Variants in CACNA2D3 observed in about 807,000 individuals in gnomAD.
CACNA2D3 encodes the protein voltage-dependent calcium channel subunit alpha-2/delta-3.
In CACNA2D3, 60 loss-of-function variants were observed where a neutral mutation model predicts 160.6. That is an observed-to-expected ratio of 0.37 (90% confidence interval 0.30 to 0.46). CACNA2D3 has a LOEUF of 0.46. Ranked by LOEUF, CACNA2D3 falls within the 20% of genes least tolerant of loss-of-function variation. CACNA2D3 has a pLI of 1.00. For missense variants in CACNA2D3, 1,205 were observed against 1,365.0 expected, an observed-to-expected ratio of 0.88 and a Z score of 1.85; for synonymous variants, 558 against 492.9, an observed-to-expected ratio of 1.13 and a Z score of -1.75.
intron 11 of CACNA2D3, among the ~76,000 whole-genome samples, chr3:54,676,687 A>G (rs1575417979): frequency 6.6e-6 from 1 of 151,970 alleles, no homozygotes; most frequent in Non-Finnish European, 1.5e-5. Context: ...CCTAAGGAGC[A>G]CTCCTGAAGT....
At chr3:54,430,516 A>G (rs1049092404) in intron 4 of CACNA2D3, among the ~76,000 whole-genome samples, 3 of 152,202 alleles carry the variant, frequency 2.0e-5, no homozygotes, top group Non-Finnish European at 2.9e-5. Flanking sequence ...CCAGTTTTAT[A>G]TCTTTGATTA....
intron 9 of CACNA2D3, among the ~76,000 whole-genome samples, chr3:54,624,449 C>T (rs1183124797): frequency 3.3e-5 from 5 of 151,998 alleles, no homozygotes; most frequent in East Asian, 1.9e-4. Context: ...GGTGAAACCC[C>T]GTCTCTATTA....
Position 54,846,485 on chromosome 3 carries a change from C to T in CACNA2D3, c.1626+18C>T. 1.3e-6 allele frequency: 2 copies of T among 1,490,456 alleles called. No individual in the cohort carries two copies. Among genetic ancestry groups the T allele is most frequent in the Non-Finnish European group, 1.9e-6 (2 of 1,080,056 alleles). The allele number at this position is 1,490,456 out of a possible 1,614,324, so 92.3% of individuals were successfully genotyped here. ...GGCTGCTGGTAAGAGAAATTATGTA[C>T]TTCTGCATTTCTGCTTTTATGATTT... is the stretch of plus-strand genomic sequence containing the variant. On this transcript the variant is annotated intron_variant, in intron 17 of 37. Transcript: ENST00000474759.
chr3:54,851,552 G>C (rs1373918199), intron 17 of CACNA2D3, among the ~76,000 whole-genome samples: 1 of 152,196 alleles, frequency 6.6e-6, no homozygotes, highest in Non-Finnish European at 1.5e-5. Context: ...AGAGTGGTTG[G>C]AGGGTGGGAG....
In CACNA2D3 at chr3:54,576,143, TC is replaced by T. The variant is rs1702578334; in HGVS notation, c.889-5659del. Among the ~76,000 whole-genome samples, 5 of 152,278 alleles carry T rather than the reference TC, an allele frequency of 3.3e-5. No homozygotes were observed. The South Asian group carries it at 1.0e-3, about 32-fold the overall frequency. On this transcript the variant is annotated intron_variant, in intron 8 of 37. Coordinates refer to ENST00000474759, the MANE Select transcript of CACNA2D3 (RefSeq NM_018398.3). ...GGTCCCTGCTTAGAGAGGTCTTTCC[TC>T]ATCCTCTTCTCTAGGTGACTGATAA...
chr3:55,034,015 A>G (rs2107181362), intron 35 of CACNA2D3, among the ~76,000 whole-genome samples: 1 of 150,494 alleles, frequency 6.6e-6, no homozygotes, highest in South Asian at 2.1e-4. Context: ...TACTTAACTC[A>G]AAGCAGAAAG....
In CACNA2D3 at chr3:54,626,314, C is replaced by T; in HGVS notation, c.964-1473C>T. 4 of 1,550,626 alleles carry T rather than the reference C, an allele frequency of 2.6e-6. No individual in the cohort carries two copies. The South Asian group carries it at 4.7e-5, about 18-fold the overall frequency. ...GGACATGTCCTACAAGCGGCTGATG[C>T]CGCTGTACAGTGCGCGCCAGCAGCG... On this transcript the variant is annotated intron_variant, in intron 9 of 37. Coordinates refer to ENST00000474759, the MANE Select transcript of CACNA2D3 (RefSeq NM_018398.3).
chr3:54,567,521 TTTG>T (rs983206448), intron 6 of CACNA2D3, among the ~76,000 whole-genome samples: 29 of 136,024 alleles, frequency 2.1e-4, no homozygotes, highest in African/African-American at 6.1e-4. Context: ...TTGTTTGTTG[TTTG>T]TTGTTGTTGT....
At chr3:54,459,107 AT>A (rs1700452499) in intron 4 of CACNA2D3, among the ~76,000 whole-genome samples, 1 of 151,940 alleles carries the variant, frequency 6.6e-6, no homozygotes, top group Non-Finnish European at 1.5e-5. Flanking sequence ...TGAACACATC[AT>A]TTTTATGGCT....
At chr3:54,829,361 A>C (rs1338810269) in intron 14 of CACNA2D3, among the ~76,000 whole-genome samples, 1 of 152,116 alleles carries the variant, frequency 6.6e-6, no homozygotes, top group Non-Finnish European at 1.5e-5. Flanking sequence ...TGTTGTGATG[A>C]TGGAAGTGGG....
At chr3:54,690,910 T>C (rs916194474) in intron 11 of CACNA2D3, among the ~76,000 whole-genome samples, 4 of 152,170 alleles carry the variant, frequency 2.6e-5, no homozygotes, top group African/African-American at 9.7e-5. Flanking sequence ...AAAGCCCCAC[T>C]CAATCGAGGG....
At chr3:54,129,849 A>G (rs1038405559) in intron 2 of CACNA2D3, among the ~76,000 whole-genome samples, 1 of 152,186 alleles carries the variant, frequency 6.6e-6, no homozygotes, top group African/African-American at 2.4e-5. Flanking sequence ...TGCCTGTGCC[A>G]ATAAAAATGG....
chr3:54,418,570 T>G (rs1318069013), intron 4 of CACNA2D3, among the ~76,000 whole-genome samples: 2 of 152,256 alleles, frequency 1.3e-5, no homozygotes, highest in Non-Finnish European at 2.9e-5. Context: ...CCTCTGCTGT[T>G]TGCTGATTAA....
intron 5 of CACNA2D3, among the ~76,000 whole-genome samples, chr3:54,559,547 C>T (rs1372094886): frequency 6.6e-6 from 1 of 152,150 alleles, no homozygotes; most frequent in Admixed American, 6.5e-5. Context: ...CCCACCTCGG[C>T]CTCCCAAAGT....
In CACNA2D3 at chr3:54,475,230, C is replaced by G. The variant is rs1700808473; in HGVS notation, c.382-28262C>G. On this transcript the variant is annotated intron_variant, in intron 4 of 37. Transcript: ENST00000474759. Reference sequence around the variant, plus strand: ...GAATTCTCTACCACCATAGCTGTCCCTTTTGTGAGTTGCAAAGGAAAGAAT... The same window carrying G: ...GAATTCTCTACCACCATAGCTGTCCGTTTTGTGAGTTGCAAAGGAAAGAAT... Among the ~76,000 whole-genome samples, 2 of 152,154 alleles carry G rather than the reference C, an allele frequency of 1.3e-5. 1 individual carries two copies. The highest frequency in any genetic ancestry group is 1.3e-4 in the Admixed American group (2 of 15,266).
chr3:54,821,718 T>TTCCTTC (rs10640637), intron 14 of CACNA2D3, among the ~76,000 whole-genome samples: 15 of 117,584 alleles, frequency 1.3e-4, no homozygotes, highest in Non-Finnish European at 2.0e-4. Context: ...CCTTCTTTCC[T>TTCCTTC]CTCTCTCTCT....
At chr3:55,073,193 C>A (rs561149783) in intron 35 of CACNA2D3, among the ~76,000 whole-genome samples, 1 of 152,270 alleles carries the variant, frequency 6.6e-6, no homozygotes, top group African/African-American at 2.4e-5. Flanking sequence ...TTTGTACATA[C>A]AGCACTTCAG....
chr3:54,605,482 C>T (rs1210144463), intron 9 of CACNA2D3, among the ~76,000 whole-genome samples: 1 of 152,182 alleles, frequency 6.6e-6, no homozygotes, highest in Non-Finnish European at 1.5e-5. Flanking sequence ...CAAGGACTTG[C>T]CTCGAATGCT....
At chr3:54,694,998 A>G (rs1700638266) in intron 11 of CACNA2D3, among the ~76,000 whole-genome samples, 1 of 152,070 alleles carries the variant, frequency 6.6e-6, no homozygotes, top group Admixed American at 6.6e-5. Context: ...CTATCATGTC[A>G]TTACCACTTT....
Sources: allele counts gnomAD v4.1 joint callset (sites outside exome capture counted in the v4.1 genomes callset), GRCh38; gene constraint gnomAD v4.1.1; transcripts MANE v1.5; gene names NCBI Gene and HGNC (gene_info 2026-07-23, HGNC 2026-07-21).